SMARCC1: variants seen among roughly 807,000 people sequenced by gnomAD.
SMARCC1 encodes SWI/SNF complex subunit SMARCC1.
In SMARCC1, 43 loss-of-function variants were observed where a neutral mutation model predicts 147.4. The observed-to-expected ratio is 0.29, with a 90% CI of 0.23 to 0.38. SMARCC1 has a LOEUF of 0.38. SMARCC1 is among the 10% of genes least tolerant of loss of function. The probability of loss-of-function intolerance (pLI) is 1.00; values close to 1 mark genes in which losing one functional copy is unlikely to be tolerated. For missense variants in SMARCC1, 1,119 were observed against 1,381.1 expected (o/e 0.81, Z 3.01); for synonymous variants, 495 against 484.4 (o/e 1.02, Z -0.29).
chr3:47,680,593 G>C, intron 14 of SMARCC1, 85 bp from the exon 15 acceptor site: 2 of 764,598 alleles, frequency 2.6e-6, no homozygotes, highest in Non-Finnish European at 3.8e-6. Context: ...TGTCGCCCAG[G>C]CTGGAGTGCA....
At chr3:47,743,171 G>A (rs1421125513) in intron 3 of SMARCC1, among the ~76,000 whole-genome samples, 1 of 152,154 alleles carries the variant, frequency 6.6e-6, no homozygotes. Context: ...GTTAGGCATG[G>A]GGCAAGAATG....
intron 1 of SMARCC1, among the ~76,000 whole-genome samples, chr3:47,777,358 C>T (rs1326964843): frequency 1.3e-5 from 2 of 151,528 alleles, no homozygotes; most frequent in African/African-American, 2.4e-5. Context: ...GCTGGGATTA[C>T]AGGCGTGAGA....
At position 47,671,173 on chromosome 3, in the gene SMARCC1, C is replaced by CAAAAAAAA. The variant is rs775759680; in HGVS notation, c.1840-464_1840-457dup. ...CCTGGGCAACAGAGCGAGACTATCT[C>CAAAAAAAA]AAAAAAAAAAAAAAAAAAAAAAAAA... On this transcript the variant is annotated intron_variant, in intron 18 of 27. Coordinates refer to ENST00000254480, the MANE Select transcript of SMARCC1 (RefSeq NM_003074.4). Among the ~76,000 whole-genome samples, 26 of 29,236 alleles carry CAAAAAAAA rather than the reference C, an allele frequency of 8.9e-4. 3 individuals carry two copies. Among genetic ancestry groups the CAAAAAAAA allele is most frequent in the African/African-American group, 2.5e-3 (15 of 6,088 alleles). 19.2% of individuals were successfully genotyped at this position (29,236 alleles called of 152,430 possible).
At chr3:47,673,970 T>G (rs1306555128) in intron 18 of SMARCC1, among the ~76,000 whole-genome samples, 1 of 152,214 alleles carries the variant, frequency 6.6e-6, no homozygotes, top group East Asian at 1.9e-4. Context: ...TCTTTTATAC[T>G]GACTCACATG....
At chr3:47,709,418 G>A (rs994024792) in intron 9 of SMARCC1, among the ~76,000 whole-genome samples, 2 of 152,142 alleles carry the variant, frequency 1.3e-5, no homozygotes, top group Non-Finnish European at 2.9e-5. Context: ...AGGCGCGGTG[G>A]CTCATGCCTG....
chr3:47,610,176 C>T lies in SMARCC1; in HGVS notation c.2933G>A (p.Gly978Asp). 6.2e-7 allele frequency: 1 copy of T among 1,614,162 alleles called. No homozygotes were observed. Among genetic ancestry groups the T allele is most frequent in the Non-Finnish European group, 8.5e-7 (1 of 1,180,048 alleles). The change falls in exon 26 of 28, where the codon GGC (glycine) becomes GAC (aspartate). Residue 978 changes from glycine to aspartate, a missense_variant. Physicochemically the swap from Gly to Asp is moderately conservative, Grantham distance 94. Coordinates refer to ENST00000254480, the MANE Select transcript of SMARCC1 (RefSeq NM_003074.4). ...QQAHQHSGGPGLAPLGAAGHP... is the reference protein window; with the variant it reads ...QQAHQHSGGPDLAPLGAAGHP... ...CCCTGCTGCTCCAAGTGGGGCCAGGCCAGGTCCTCCTGAGTGCTGGTGTGC... is the reference window on the plus strand; with the variant it reads ...CCCTGCTGCTCCAAGTGGGGCCAGGTCAGGTCCTCCTGAGTGCTGGTGTGC...
rs750571151 is a variant in SMARCC1 at position 47,678,318 on chromosome 3, A to C, written c.1458-7T>G. On this transcript the variant is annotated splice_polypyrimidine_tract_variant and splice_region_variant and intron_variant, in intron 15 of 27. Transcript: ENST00000254480. The stretch of plus-strand genomic sequence containing the variant: ...ATTTCGATATGCCAAGTATCTAAAA[A>C]GCAATGGCAAAATTCATAAGGTGGA... The C allele has an allele frequency of 1.8e-5, 27 of 1,481,462 alleles. No homozygotes were observed. The highest frequency in any genetic ancestry group is 2.4e-5 in the Non-Finnish European group (26 of 1,071,290). 91.8% of individuals were successfully genotyped at this position (1,481,462 alleles called of 1,614,324 possible).
At chr3:47,720,994 G>A (rs148531646) in intron 6 of SMARCC1, among the ~76,000 whole-genome samples, 18 of 152,102 alleles carry the variant, frequency 1.2e-4, no homozygotes, top group African/African-American at 4.3e-4. Flanking sequence ...TATCCACTGC[G>A]GTAAAATACT....
intron 26 of SMARCC1, among the ~76,000 whole-genome samples, chr3:47,600,698 G>C (rs985936130): frequency 2.0e-5 from 3 of 152,014 alleles, no homozygotes; most frequent in Non-Finnish European, 4.4e-5. Context: ...TCTGAAATGG[G>C]GTAGAATTTA....
At chr3:47,721,913 A>G (rs1299268191) in intron 6 of SMARCC1, among the ~76,000 whole-genome samples, 2 of 152,124 alleles carry the variant, frequency 1.3e-5, no homozygotes. Flanking sequence ...CCAGCTACTC[A>G]GGAGGCTAGG....
At chr3:47,600,509 A>T (rs745580333) in intron 26 of SMARCC1, among the ~76,000 whole-genome samples, 4 of 152,208 alleles carry the variant, frequency 2.6e-5, no homozygotes, top group Non-Finnish European at 5.9e-5. Context: ...TTTTGAGATA[A>T]GGAAACTAAG....
At chr3:47,594,901 G>A (rs1371822597) in intron 26 of SMARCC1, among the ~76,000 whole-genome samples, 1 of 152,196 alleles carries the variant, frequency 6.6e-6, no homozygotes, top group Non-Finnish European at 1.5e-5. Context: ...GGTAGACCTT[G>A]ATAAGATCTG....
intron 25 of SMARCC1, 129 bp from the exon 26 acceptor site, chr3:47,610,456 T>C: frequency 2.2e-6 from 2 of 903,280 alleles, no homozygotes; most frequent in Non-Finnish European, 3.6e-6. Context: ...CCTCACTTCC[T>C]GCACCTTCTA....
At chr3:47,626,200 A>T (rs2032806752) in intron 24 of SMARCC1, among the ~76,000 whole-genome samples, 1 of 151,682 alleles carries the variant, frequency 6.6e-6, no homozygotes, top group Non-Finnish European at 1.5e-5. Flanking sequence ...AGGCTGGAGT[A>T]CAGTAGCATG....
intron 2 of SMARCC1, among the ~76,000 whole-genome samples, chr3:47,765,326 G>T (rs1266041532): frequency 6.6e-6 from 1 of 151,876 alleles, no homozygotes. Context: ...TTTATGGTTG[G>T]GGAAGGAACA....
At chr3:47,697,351 A>G (rs1047586513) in intron 11 of SMARCC1, among the ~76,000 whole-genome samples, 19 of 148,626 alleles carry the variant, frequency 1.3e-4, no homozygotes, top group African/African-American at 4.7e-4. Flanking sequence ...CCCAGGCTGG[A>G]GTGCCCTGGC....
intron 23 of SMARCC1, 138 bp from the exon 24 acceptor site, chr3:47,635,482 T>C (rs914855309): frequency 1.3e-6 from 1 of 761,642 alleles, no homozygotes; most frequent in Admixed American, 2.7e-5. Flanking sequence ...TTAAGAGTTC[T>C]GTTGAGCCAT....
At chr3:47,641,877 T>C (rs964115738) in intron 21 of SMARCC1, among the ~76,000 whole-genome samples, 1 of 152,172 alleles carries the variant, frequency 6.6e-6, no homozygotes, top group Non-Finnish European at 1.5e-5. Context: ...GCTCAACTGA[T>C]CCACCCGCCT....
Position 47,635,230 on chromosome 3 carries a change from G to A in SMARCC1, c.2606C>T (p.Ala869Val). ...HEISEGNVAT[A>V]AAAALASAAT... ...CGCTGAGGCAAGAGCAGCTGCTGCG[G>A]CTGTGGCAACATTTCCTTCGGAAAT... is the stretch of plus-strand genomic sequence containing the variant. Residue 869 changes from alanine (A) to valine (V), a missense_variant, in exon 24 of 28, where the codon GCC becomes GTC. Transcript: ENST00000254480. 1 of 1,613,806 alleles carries A rather than the reference G, an allele frequency of 6.2e-7. No homozygotes were observed.
Sources: gnomAD v4.1 joint callset for allele counts (sites outside exome capture counted in the v4.1 genomes callset) on GRCh38, gnomAD v4.1.1 for gene constraint, MANE v1.5 for transcripts, NCBI Gene and HGNC (gene_info 2026-07-23, HGNC 2026-07-21) for gene names.